The following MARCHF5 variants were observed in gnomAD, a reference collection of about 807,000 sequenced individuals.
MARCHF5 encodes E3 ubiquitin-protein ligase MARCHF5.
MARCHF5 carries 5 observed loss-of-function variants against 36.5 expected under a neutral mutation model. The observed-to-expected ratio is 0.14, with a 90% CI of 0.07 to 0.29. The LOEUF (loss-of-function observed/expected upper bound fraction) is 0.29, where lower values mean the gene tolerates loss of function less well. MARCHF5 is among the 10% of genes least tolerant of loss of function. The pLI, the probability that MARCHF5 is intolerant of heterozygous loss-of-function variation, is 1.00. For missense variants in MARCHF5, 179 were observed against 336.3 expected, an observed-to-expected ratio of 0.53 and a Z score of 3.66; for synonymous variants, 103 against 109.9, an observed-to-expected ratio of 0.94 and a Z score of 0.39.
At chr10:92,316,650 A>T (rs1327236394) in intron 2 of MARCHF5, among the ~76,000 whole-genome samples, 1 of 151,592 alleles carries the variant, frequency 6.6e-6, no homozygotes, top group African/African-American at 2.4e-5. Flanking sequence ...GCAGCCTCAG[A>T]CTCCTGGGCT....
In MARCHF5 at chr10:92,349,762, C is replaced by G. The variant is rs1229278601; in HGVS notation, c.645C>G (p.Val215=). Residue 215 remains valine (V), a synonymous_variant, in exon 5 of 6, where the codon GTC becomes GTG. Coordinates refer to ENST00000358935, the MANE Select transcript of MARCHF5 (RefSeq NM_017824.5). ...CTCGAATCTTGTGTGGAGCCCTTGTCTTTCCTACTATTGCTACAATAGTTG... is the reference window on the plus strand; with the variant it reads ...CTCGAATCTTGTGTGGAGCCCTTGTGTTTCCTACTATTGCTACAATAGTTG... The part of the protein sequence containing the change: ...SATRILCGAL[V]FPTIATIVGK... 1.2e-6 allele frequency: 2 copies of G among 1,613,892 alleles called. No individual in the cohort carries two copies. The highest frequency in any genetic ancestry group is 2.2e-5 in the East Asian group (1 of 44,886).
intron 2 of MARCHF5, among the ~76,000 whole-genome samples, chr10:92,327,402 A>T (rs193111238): frequency 4.6e-4 from 69 of 151,288 alleles, no homozygotes; most frequent in Non-Finnish European, 1.5e-5. Flanking sequence ...TTATATAATC[A>T]GTCTTCCTCC....
intron 2 of MARCHF5, among the ~76,000 whole-genome samples, chr10:92,321,254 A>G (rs1843285887): frequency 6.6e-6 from 1 of 152,096 alleles, no homozygotes; most frequent in South Asian, 2.1e-4. Context: ...TGGGTTTTTC[A>G]GAGATGGCCT....
At chr10:92,339,548 T>TA (rs1843549981) in intron 2 of MARCHF5, among the ~76,000 whole-genome samples, 1 of 152,150 alleles carries the variant, frequency 6.6e-6, no homozygotes, top group East Asian at 1.9e-4. Context: ...CAGACGCCTG[T>TA]AATCCTAGCT....
rs1843735829 is a variant in MARCHF5, at chr10:92,352,998, C to A, written c.*1791C>A. On this transcript the variant is annotated 3_prime_UTR_variant, in exon 6 of 6. Transcript: ENST00000358935. ...TAGAACAGTTTTTAGGCAGCCTTTACTAAAGTTATGCAAACACACAGTTCC... is the reference window on the plus strand; with the variant it reads ...TAGAACAGTTTTTAGGCAGCCTTTAATAAAGTTATGCAAACACACAGTTCC... 6.6e-6 allele frequency: 1 copy of A among 152,552 alleles called. No individual in the cohort carries two copies. The highest frequency in any genetic ancestry group is 1.5e-5 in the Non-Finnish European group (1 of 68,030). The allele number at this position is 152,552 out of a possible 1,614,324, so 9.4% of individuals were successfully genotyped here. A position where few individuals can be genotyped will look rare whatever the true frequency, so the allele number is the denominator to read the frequency against.
intron 2 of MARCHF5, among the ~76,000 whole-genome samples, chr10:92,329,573 A>G (rs975287860): frequency 2.3e-4 from 35 of 152,198 alleles, no homozygotes; most frequent in Admixed American, 5.2e-4. Flanking sequence ...AACTCAACCT[A>G]TTTCTTTTCT....
At chr10:92,325,296 T>C (rs115586904) in intron 2 of MARCHF5, among the ~76,000 whole-genome samples, 2,085 of 152,344 alleles carry the variant, frequency 0.014, 37 homozygotes, top group African/African-American at 0.048. Context: ...CGAGCTGTTA[T>C]TGCACTGCTG....
At chr10:92,306,035 G>A (rs1182564860) in intron 1 of MARCHF5, among the ~76,000 whole-genome samples, 2 of 152,240 alleles carry the variant, frequency 1.3e-5, no homozygotes, top group Non-Finnish European at 2.9e-5. Context: ...ATGATGCAAT[G>A]CGAATTGGTT....
At chr10:92,342,641 T>C (rs1026570619) in intron 3 of MARCHF5, among the ~76,000 whole-genome samples, 5 of 152,190 alleles carry the variant, frequency 3.3e-5, no homozygotes, top group African/African-American at 1.2e-4. Context: ...CAATCCATCC[T>C]TCCAAATGAA....
chr10:92,311,304 A>G lies in MARCHF5; in HGVS notation c.205A>G (p.Asn69Asp), dbSNP rs752530614. The part of the protein sequence containing the change: ...STARVACPQC[N>D]AEYLIVFPKL... ...AGCCAGAGTGGCATGTCCTCAGTGC[A>G]ATGCTGAATACCTAATAGTTTTTCC... The change falls in exon 2 of 6, where the codon AAT becomes GAT. Residue 69 changes from asparagine to aspartate, a missense_variant. Asn to Asp is a conservative substitution (Grantham distance 23). Transcript: ENST00000358935. 7.5e-6 allele frequency: 12 copies of G among 1,603,876 alleles called. No homozygotes were observed. The highest frequency in any genetic ancestry group is 1.0e-5 in the Non-Finnish European group (12 of 1,174,558).
At chr10:92,348,995 A>G (rs890085758) in intron 3 of MARCHF5, among the ~76,000 whole-genome samples, 5 of 152,222 alleles carry the variant, frequency 3.3e-5, no homozygotes, top group Non-Finnish European at 5.9e-5. Flanking sequence ...TGGAAGACAA[A>G]TAGGACTTAG....
chr10:92,313,334 G>A (rs973598150), intron 2 of MARCHF5, among the ~76,000 whole-genome samples: 6 of 151,966 alleles, frequency 3.9e-5, no homozygotes, highest in Non-Finnish European at 5.9e-5. Context: ...GCCGGGCGCG[G>A]TGGCTCACAC....
intron 2 of MARCHF5, among the ~76,000 whole-genome samples, chr10:92,316,162 T>TC (rs1843206748): frequency 6.6e-6 from 1 of 151,422 alleles, no homozygotes; most frequent in Admixed American, 6.6e-5. Context: ...GATTTTGTGT[T>TC]TTTTTTTTAA....
At chr10:92,301,405 G>A (rs1843009910) in intron 1 of MARCHF5, among the ~76,000 whole-genome samples, 1 of 152,202 alleles carries the variant, frequency 6.6e-6, no homozygotes, top group Non-Finnish European at 1.5e-5. Context: ...TATACATAGG[G>A]CAGCATGGTG....
At chr10:92,293,960 T>C (rs541776535) in intron 1 of MARCHF5, among the ~76,000 whole-genome samples, 7 of 152,210 alleles carry the variant, frequency 4.6e-5, no homozygotes, top group Non-Finnish European at 8.8e-5. Flanking sequence ...CAAAGACCGT[T>C]ATTGTCTAGA....
chr10:92,345,080 GC>G (rs2135218305), intron 3 of MARCHF5, among the ~76,000 whole-genome samples: 1 of 151,850 alleles, frequency 6.6e-6, no homozygotes, highest in African/African-American at 2.4e-5. Context: ...AATATGTTTA[GC>G]CTAGTTCCCA....
chr10:92,302,728 G>A (rs1021700089), intron 1 of MARCHF5, among the ~76,000 whole-genome samples: 14 of 152,182 alleles, frequency 9.2e-5, no homozygotes, highest in African/African-American at 3.1e-4. Flanking sequence ...ATAGGCGTGA[G>A]CCACCGTGCC....
chr10:92,312,890 A>G (rs1032258530), intron 2 of MARCHF5, among the ~76,000 whole-genome samples: 1 of 152,190 alleles, frequency 6.6e-6, no homozygotes, highest in Non-Finnish European at 1.5e-5. Context: ...ATATGTTTTC[A>G]GGTTTAGTGC....
intron 1 of MARCHF5, among the ~76,000 whole-genome samples, chr10:92,299,625 C>G (rs931258024): frequency 3.9e-5 from 6 of 152,128 alleles, no homozygotes; most frequent in Non-Finnish European, 7.3e-5. Flanking sequence ...TCACATTGTA[C>G]TGTAAATTTT....
Sources: allele counts gnomAD v4.1 joint callset (sites outside exome capture counted in the v4.1 genomes callset), GRCh38; gene constraint gnomAD v4.1.1; transcripts MANE v1.5; gene names NCBI Gene and HGNC (gene_info 2026-07-23, HGNC 2026-07-21).